FSCN2: variants seen among roughly 807,000 people sequenced by gnomAD.
FSCN2 encodes fascin-2.
In FSCN2, 46 loss-of-function variants were observed where a neutral mutation model predicts 37.8. The ratio of observed to expected loss-of-function variants is 1.22; its 90% CI spans 0.96 to 1.56. The LOEUF is 1.56. FSCN2 is among the 40% of genes most tolerant of loss of function. The probability of loss-of-function intolerance (pLI) is 0.00; values close to 1 mark genes in which losing one functional copy is unlikely to be tolerated. For synonymous variants in FSCN2, 351 were observed against 309.4 expected, an observed-to-expected ratio of 1.13 and a Z score of -1.41; for missense variants, 844 against 730.4, an observed-to-expected ratio of 1.16 and a Z score of -1.79.
At position 81,529,148 on chromosome 17, in the gene FSCN2, C is replaced by G. The variant is rs568057384; in HGVS notation, c.617C>G (p.Pro206Arg). 6.3e-7 allele frequency: 1 copy of G among 1,585,016 alleles called. No individual in the cohort carries two copies. Among genetic ancestry groups the G allele is most frequent in the South Asian group, 1.2e-5 (1 of 86,786 alleles). ...GGCCGTCTGGTCTGGGAGCCTGAGC[C>G]CCGTGCCTGCTACACGCTGGAGTTC... ...SDGRLVWEPEPRACYTLEFKA... is the reference protein window; with the variant it reads ...SDGRLVWEPERRACYTLEFKA... Residue 206 changes from proline to arginine, a missense_variant, in exon 1 of 5, where the codon CCC becomes CGC. Transcript: ENST00000417245.
chr17:81,536,776 C>A lies in FSCN2; in HGVS notation c.1260C>A (p.Ala420=). 1 of 1,601,140 alleles carries A rather than the reference C, an allele frequency of 6.2e-7. No homozygotes were observed. The highest frequency in any genetic ancestry group is 1.1e-5 in the South Asian group (1 of 89,696). ...DVFHLSFSDG[A]YRIRGRDGGF... ...TCCACCTGAGCTTCAGCGACGGCGC[C>A]TACCGGATCCGAGGTGCGTGGCGGG... Residue 420 remains alanine (A), a synonymous_variant, in exon 4 of 5, where the codon GCC becomes GCA. Coordinates refer to ENST00000417245, the MANE Select transcript of FSCN2 (RefSeq NM_012418.4).
At chr17:81,518,825 G>A in the FSCN2 span, among the ~76,000 whole-genome samples, 1 of 152,256 alleles carries the variant, frequency 6.6e-6, no homozygotes, top group Non-Finnish European at 1.5e-5. Context: ...GCGCCACGCG[G>A]AAAAGGGGAA....
In FSCN2 at chr17:81,535,064, C is replaced by T. The variant is rs2143894180; in HGVS notation, c.839C>T (p.Ser280Leu). Residue 280 changes from serine to leucine, a missense_variant, in exon 2 of 5, where the codon TCA becomes TTA. Transcript: ENST00000417245. ...CTCCTCCCTCCAGGGGTCAACGTCT[C>T]AGCCAATCAGGATGATGAACTAGAC... ...YVSVRQGVNV[S>L]ANQDDELDHE... The T allele has an allele frequency of 6.5e-7, 1 of 1,531,788 alleles. No individual in the cohort carries two copies. Among genetic ancestry groups the T allele is most frequent in the East Asian group, 2.5e-5 (1 of 40,580 alleles). 94.9% of individuals were successfully genotyped at this position (1,531,788 alleles called of 1,614,324 possible). A position where few individuals can be genotyped will look rare whatever the true frequency, so the allele number is the denominator to read the frequency against.
Position 81,534,093 on chromosome 17 carries a change from C to T in FSCN2, c.827-959C>T, listed in dbSNP as rs565804633. 2.0e-5 allele frequency among the ~76,000 whole-genome samples: 3 copies of T among 152,328 alleles called. No individual in the cohort carries two copies. In the South Asian group the frequency reaches 6.2e-4, roughly 32 times the overall value. ...CTCGGTCACAGTGCAGGGGACATGC[C>T]GGGTGCTCCTCTGCGTCTGATCAGT... On this transcript the variant is annotated intron_variant, in intron 1 of 4. Transcript: ENST00000417245.
At chr17:81,522,924 C>G in the FSCN2 span, among the ~76,000 whole-genome samples, 1 of 152,220 alleles carries the variant, frequency 6.6e-6, no homozygotes, top group Non-Finnish European at 1.5e-5. Flanking sequence ...GTTGGAGGCT[C>G]CATCGCCCCA....
At chr17:81,529,567 G>A in intron 1 of FSCN2, 1 of 756,750 alleles carries the variant, frequency 1.3e-6, no homozygotes, top group Non-Finnish European at 2.4e-6. Context: ...ACTGAGGGGT[G>A]GTGGCTTCAG....
intron 1 of FSCN2, 91 bp downstream of exon 1, chr17:81,529,448 T>TCGTGTCTGTGCGTTCA: frequency 9.9e-7 from 1 of 1,014,126 alleles, no homozygotes; most frequent in South Asian, 1.4e-5. Flanking sequence ...GGGAGTGGTA[T>TCGTGTCTGTGCGTTCA]CGTGTCTGTG....
intron 1 of FSCN2, among the ~76,000 whole-genome samples, chr17:81,531,816 G>GGTGATGATAGTGA (rs2032639572): frequency 1.0e-5 from 1 of 98,258 alleles, no homozygotes; most frequent in Non-Finnish European, 2.0e-5. Context: ...GATGATGGTG[G>GGTGATGATAGTGA]TGGTGATGGT....
At position 81,528,651 on chromosome 17, in the gene FSCN2, C is replaced by A; in HGVS notation, c.120C>A (p.Leu40=). The A allele has an allele frequency of 6.2e-7, 1 of 1,602,990 alleles. No individual in the cohort carries two copies. The highest frequency in any genetic ancestry group is 8.5e-7 in the Non-Finnish European group (1 of 1,175,514). ...AGGTCAATGCCTCGGCACCCAGCCT[C>A]AAGAGGAAGCAGACCTGGGTGCTGG... ...GFKVNASAPS[L]KRKQTWVLEP... The change falls in exon 1 of 5, where the codon CTC becomes CTA. Residue 40 remains leucine (L), a synonymous_variant. Coordinates refer to ENST00000417245, the MANE Select transcript of FSCN2 (RefSeq NM_012418.4).
At chr17:81,535,233 T>G (rs763873082) in intron 2 of FSCN2, 25 bp downstream of exon 2, 69 of 1,483,316 alleles carry the variant, frequency 4.7e-5, no homozygotes, top group Non-Finnish European at 5.7e-5. Context: ...CCCTTCCTCC[T>G]CCATCATCCC....
the FSCN2 span, among the ~76,000 whole-genome samples, chr17:81,515,738 A>T: frequency 6.6e-6 from 1 of 152,092 alleles, no homozygotes. Flanking sequence ...ACCGCCAACC[A>T]CCTGGCCGGC....
At chr17:81,531,398 G>GGTA (rs2032578463) in intron 1 of FSCN2, among the ~76,000 whole-genome samples, 1 of 120,450 alleles carries the variant, frequency 8.3e-6, no homozygotes, top group Non-Finnish European at 1.8e-5. Context: ...TGGTGATGAT[G>GGTA]GTGATGGTGA....
chr17:81,529,316 T>A lies in FSCN2; in HGVS notation c.785T>A (p.Val262Glu). ...FDLEESHPQV[V>E]LVAANHRYVS... ...CTGGAGGAGAGTCACCCACAGGTGG[T>A]GCTGGTGGCTGCCAACCACCGCTAC... The change falls in exon 1 of 5, where the codon GTG (valine) becomes GAG (glutamate). Residue 262 changes from valine (V) to glutamate (E), a missense_variant. Val to Glu is a moderately radical substitution (Grantham distance 121). Coordinates refer to ENST00000417245, the MANE Select transcript of FSCN2 (RefSeq NM_012418.4). 6.4e-7 allele frequency: 1 copy of A among 1,560,084 alleles called. No individual in the cohort carries two copies. The highest frequency in any genetic ancestry group is 1.7e-4 in the Middle Eastern group (1 of 5,812).
the FSCN2 span, among the ~76,000 whole-genome samples, chr17:81,515,307 C>G: frequency 2.6e-5 from 4 of 152,118 alleles, no homozygotes; most frequent in Non-Finnish European, 5.9e-5. Flanking sequence ...CCGGAGAGGG[C>G]CGGGCAGCTG....
At chr17:81,528,017 C>T (rs532224269), upstream of FSCN2, among the ~76,000 whole-genome samples, 71 of 151,940 alleles carry the variant, frequency 4.7e-4, no homozygotes, top group African/African-American at 1.5e-3. Flanking sequence ...AGGTTGCGGC[C>T]GAGCCGTGAG....
At chr17:81,529,401 C>A in intron 1 of FSCN2, 44 bp downstream of exon 1, 3 of 1,438,364 alleles carry the variant, frequency 2.1e-6, no homozygotes, top group Non-Finnish European at 2.8e-6. Flanking sequence ...GTGCTGGGAC[C>A]CCCCTGCTTC....
chr17:81,528,729 CCG>C lies in FSCN2; in HGVS notation c.200_201del (p.Arg67LeufsTer13). The C allele has an allele frequency of 6.3e-7, 1 of 1,595,744 alleles. No individual in the cohort carries two copies. Among genetic ancestry groups the C allele is most frequent in the Non-Finnish European group, 8.5e-7 (1 of 1,172,298 alleles). On this transcript the variant is annotated frameshift_variant, in exon 1 of 5. Coordinates refer to ENST00000417245, the MANE Select transcript of FSCN2 (RefSeq NM_012418.4). LOFTEE classifies it high-confidence loss of function. ...TGCTGCTCCGCAGCAGCCACCTGGG[CCG>C]CTACCTGTCGGCAGAAGAGGACGGG... is the stretch of plus-strand genomic sequence containing the variant. ...AVLLRSSHLG[R>X]YLSAEEDGRV...
intron 1 of FSCN2, among the ~76,000 whole-genome samples, chr17:81,529,815 T>A (rs1201653109): frequency 2.0e-5 from 3 of 152,184 alleles, no homozygotes; most frequent in East Asian, 1.9e-4. Flanking sequence ...CTTCATTTAT[T>A]TATTTATTTT....
upstream of FSCN2, chr17:81,523,878 C>T (rs2032273939): frequency 6.6e-6 from 1 of 152,390 alleles, no homozygotes; most frequent in Admixed American, 6.5e-5. Context: ...CCTGTGCCAG[C>T]TCACACCACC....
Sources: allele counts gnomAD v4.1 joint callset (sites outside exome capture counted in the v4.1 genomes callset), GRCh38; gene constraint gnomAD v4.1.1; transcripts MANE v1.5; gene names NCBI Gene and HGNC (gene_info 2026-07-23, HGNC 2026-07-21).